TCERG1L: variants seen among roughly 807,000 people sequenced by gnomAD.
TCERG1L encodes the protein transcription elongation regulator 1-like protein.
In TCERG1L, 37 loss-of-function variants were observed where a neutral mutation model predicts 56.3. The ratio of observed to expected loss-of-function variants is 0.66; its 90% confidence interval spans 0.51 to 0.87. The LOEUF is 0.87. TCERG1L is among the 40% of genes least tolerant of loss of function. TCERG1L has a pLI of 0.00. For synonymous variants in TCERG1L, 324 were observed against 326.3 expected (o/e 0.99, Z 0.08); for missense variants, 799 against 774.2 (o/e 1.03, Z -0.38).
intron 7 of TCERG1L, among the ~76,000 whole-genome samples, chr10:131,146,176 G>A (rs1017346196): frequency 3.9e-5 from 6 of 152,204 alleles, no homozygotes; most frequent in African/African-American, 1.4e-4. Flanking sequence ...CTGAAGTGGC[G>A]TTCATAAGAC....
chr10:131,304,451 G>A (rs2133585143), intron 3 of TCERG1L, among the ~76,000 whole-genome samples: 1 of 152,064 alleles, frequency 6.6e-6, no homozygotes, highest in Middle Eastern at 3.4e-3. Flanking sequence ...TTCCTGGGAA[G>A]AAGAGGGACT....
chr10:131,107,047 G>A (rs1447520896), intron 9 of TCERG1L, among the ~76,000 whole-genome samples: 1 of 140,778 alleles, frequency 7.1e-6, no homozygotes, highest in South Asian at 2.2e-4. Context: ...CTTTAGCTTC[G>A]ACTGAGTGCC....
chr10:131,187,518 C>A (rs1845257241), intron 4 of TCERG1L, among the ~76,000 whole-genome samples: 1 of 152,190 alleles, frequency 6.6e-6, no homozygotes, highest in South Asian at 2.1e-4. Context: ...TCTCCCACCC[C>A]AACTCCCGCC....
intron 11 of TCERG1L, among the ~76,000 whole-genome samples, chr10:131,094,334 A>T (rs1845218743): frequency 6.6e-6 from 1 of 152,066 alleles, no homozygotes; most frequent in South Asian, 2.1e-4. Context: ...TGTCCGGGGG[A>T]TTCTTCTTAT....
chr10:131,112,932 T>C (rs1845425248), intron 9 of TCERG1L, among the ~76,000 whole-genome samples: 1 of 142,198 alleles, frequency 7.0e-6, no homozygotes, highest in South Asian at 2.6e-4. Flanking sequence ...GTTCAATCCC[T>C]AGCGTTTAGA....
At position 131,260,501 on chromosome 10, in the gene TCERG1L, G is replaced by C. The variant is rs932391491; in HGVS notation, c.671-57C>G. The C allele has an allele frequency of 9.0e-6, 12 of 1,333,312 alleles. No homozygotes were observed. Among genetic ancestry groups the C allele is most frequent in the Non-Finnish European group, 1.2e-5 (12 of 1,038,318 alleles). The allele number at this position is 1,333,312 out of a possible 1,614,324, so 82.6% of individuals were successfully genotyped here. On this transcript the variant is annotated intron_variant, in intron 3 of 11. Transcript: ENST00000368642. The surrounding 1 kb of genome is among the most constrained non-coding windows in gnomAD (Gnocchi z 5.8). ...GGGACGACCAGGGCCATGGGTGACA[G>C]ATGCCCATCTCGCTACCGCAAGATA...
intron 4 of TCERG1L, among the ~76,000 whole-genome samples, chr10:131,213,632 G>A (rs932768451): frequency 6.6e-6 from 1 of 152,222 alleles, no homozygotes; most frequent in African/African-American, 2.4e-5. Flanking sequence ...TGGAGATGCA[G>A]CTACTTAATT....
rs1846892045 is a variant in TCERG1L at position 131,311,279 on chromosome 10, A to G, written c.342+15T>C. 8.3e-6 allele frequency: 10 copies of G among 1,202,588 alleles called. No homozygotes were observed. The highest frequency in any genetic ancestry group is 1.0e-5 in the Non-Finnish European group (10 of 969,326). 74.5% of individuals were successfully genotyped at this position (1,202,588 alleles called of 1,614,324 possible). A position where few individuals can be genotyped will look rare whatever the true frequency, so the allele number is the denominator to read the frequency against. On this transcript the variant is annotated intron_variant, in intron 1 of 11. Transcript: ENST00000368642. This position sits in a 1 kb window ranked among gnomAD's most constrained non-coding sequence, Gnocchi z 4.0. ...AGACGGCGACCCGGGCCGAGGCGGG[A>G]CGGGGACACGTTACCTGCCCGTGGA...
intron 8 of TCERG1L, among the ~76,000 whole-genome samples, chr10:131,130,840 T>C (rs1252430647): frequency 6.6e-6 from 1 of 151,976 alleles, no homozygotes; most frequent in Admixed American, 6.6e-5. Context: ...TACAACATGT[T>C]AGGTCAGTTC....
At chr10:131,285,538 A>AAAAG (rs1554899550) in intron 3 of TCERG1L, among the ~76,000 whole-genome samples, 13,970 of 36,736 alleles carry the variant, frequency 0.38, 1,754 homozygotes, top group Non-Finnish European at 0.47. Context: ...GAAAGAAAAG[A>AAAAG]AAAGAAAGAA....
chr10:131,291,397 A>ATTTTTTTTTTTTTTTTTTTTTTT (rs1564835283), intron 3 of TCERG1L, among the ~76,000 whole-genome samples: 3 of 60,188 alleles, frequency 5.0e-5, no homozygotes, highest in Non-Finnish European at 3.2e-5. Flanking sequence ...CATAAACAGC[A>ATTTTTTTTTTTTTTTTTTTTTTT]TTTCTTTTTT....
chr10:131,098,397 T>C lies in TCERG1L; in HGVS notation c.1513A>G (p.Ile505Val). The C allele has an allele frequency of 1.3e-6, 2 of 1,549,716 alleles. No homozygotes were observed. The highest frequency in any genetic ancestry group is 1.7e-6 in the Non-Finnish European group (2 of 1,146,812). Reference sequence around the variant, plus strand: ...TTCTTTTCCTTGTATTCTTCTTTTATTCTTGTCTTGACAAACTGTTCAAAT... The same window carrying C: ...TTCTTTTCCTTGTATTCTTCTTTTACTCTTGTCTTGACAAACTGTTCAAAT... ...QIFEQFVKTR[I>V]KEEYKEKKSK... The change falls in exon 11 of 12, where the codon ATA becomes GTA. Residue 505 changes from isoleucine to valine, a missense_variant. Transcript: ENST00000368642.
intron 4 of TCERG1L, among the ~76,000 whole-genome samples, chr10:131,246,443 G>C (rs1846038279): frequency 6.6e-6 from 1 of 152,130 alleles, no homozygotes; most frequent in African/African-American, 2.4e-5. Context: ...ATGGAGGCTG[G>C]GAGGTGGGCA....
At chr10:131,219,931 G>A (rs2133497576) in intron 4 of TCERG1L, among the ~76,000 whole-genome samples, 1 of 152,280 alleles carries the variant, frequency 6.6e-6, no homozygotes, top group East Asian at 1.9e-4. Flanking sequence ...CTTGAGCTCT[G>A]AAGCCTCCCA....
At chr10:131,221,253 CT>C (rs1352916674) in intron 4 of TCERG1L, among the ~76,000 whole-genome samples, 1 of 152,234 alleles carries the variant, frequency 6.6e-6, no homozygotes, top group African/African-American at 2.4e-5. Context: ...TGGGAGGCCC[CT>C]GGCCGTCCAG....
intron 4 of TCERG1L, among the ~76,000 whole-genome samples, chr10:131,192,032 C>T (rs1845309572): frequency 7.0e-6 from 1 of 142,286 alleles, no homozygotes; most frequent in South Asian, 2.2e-4. Flanking sequence ...TAAATGCGAC[C>T]TTATTAAACT....
At position 131,260,494 on chromosome 10, in the gene TCERG1L, G is replaced by C; in HGVS notation, c.671-50C>G. Reference sequence around the variant, plus strand: ...CAGCAAGGGGACGACCAGGGCCATGGGTGACAGATGCCCATCTCGCTACCG... The same window carrying C: ...CAGCAAGGGGACGACCAGGGCCATGCGTGACAGATGCCCATCTCGCTACCG... On this transcript the variant is annotated intron_variant, in intron 3 of 11. Transcript: ENST00000368642. This position sits in a 1 kb window ranked among gnomAD's most constrained non-coding sequence, Gnocchi z 5.8. 7.4e-7 allele frequency: 1 copy of C among 1,346,012 alleles called. No individual in the cohort carries two copies. The highest frequency in any genetic ancestry group is 9.6e-7 in the Non-Finnish European group (1 of 1,045,224). 83.4% of individuals were successfully genotyped at this position (1,346,012 alleles called of 1,614,324 possible).
At position 131,094,711 on chromosome 10, in the gene TCERG1L, C is replaced by A. The variant is rs1408480778; in HGVS notation, c.1605-1393G>T. ...CTCCCTCCCTCCTTTTCTCCCGGTT[C>A]CTTTCTTCCTTCTCTCCCTCCTTCC... On this transcript the variant is annotated intron_variant, in intron 11 of 11. Transcript: ENST00000368642. Among the ~76,000 whole-genome samples, 6 of 152,154 alleles carry A rather than the reference C, an allele frequency of 3.9e-5. No individual in the cohort carries two copies. The East Asian group carries it at 9.7e-4, about 25-fold the overall frequency.
intron 9 of TCERG1L, among the ~76,000 whole-genome samples, chr10:131,109,333 G>T (rs1345755509): frequency 1.3e-5 from 2 of 152,152 alleles, no homozygotes; most frequent in Non-Finnish European, 2.9e-5. Flanking sequence ...GACGAACAGT[G>T]ACAGTGATCC....
Sources: allele counts gnomAD v4.1 joint callset (sites outside exome capture counted in the v4.1 genomes callset), GRCh38; gene constraint gnomAD v4.1.1; non-coding constraint Gnocchi (gnomAD v3.1); transcripts MANE v1.5; gene names NCBI Gene and HGNC (gene_info 2026-07-23, HGNC 2026-07-21).